ZNF407: variants seen among roughly 807,000 people sequenced by gnomAD.
The protein encoded by ZNF407 is zinc finger protein 407.
Under a neutral mutation model 131.2 loss-of-function variants are expected in ZNF407, and 17 were observed. That is an observed-to-expected ratio of 0.13 (90% confidence interval 0.09 to 0.19). The LOEUF is 0.19. ZNF407 is among the 10% of genes least tolerant of loss of function. ZNF407 has a pLI of 1.00. For synonymous variants in ZNF407, 1,156 were observed against 1,062.0 expected (o/e 1.09, Z -1.72); for missense variants, 2,681 against 2,830.6 (o/e 0.95, Z 1.20).
At chr18:74,939,217 T>C (rs1972071332) in intron 8 of ZNF407, among the ~76,000 whole-genome samples, 1 of 152,236 alleles carries the variant, frequency 6.6e-6, no homozygotes, top group Admixed American at 6.5e-5. Flanking sequence ...TCCACTTTAC[T>C]CTTACTTTGT....
At chr18:74,601,139 G>T (rs1230488860) in intron 1 of ZNF407, among the ~76,000 whole-genome samples, 1 of 152,132 alleles carries the variant, frequency 6.6e-6, no homozygotes, top group African/African-American at 2.4e-5. Flanking sequence ...TGACTGGGTG[G>T]AGCCTGGTGT....
chr18:74,822,507 T>TTAA (rs1970354810), intron 4 of ZNF407, among the ~76,000 whole-genome samples: 1 of 152,220 alleles, frequency 6.6e-6, no homozygotes, highest in Non-Finnish European at 1.5e-5. Flanking sequence ...CCAAACACCA[T>TTAA]TTATTAAATA....
At chr18:74,751,601 C>A (rs1017197736) in intron 3 of ZNF407, among the ~76,000 whole-genome samples, 5 of 151,994 alleles carry the variant, frequency 3.3e-5, no homozygotes, top group Non-Finnish European at 7.4e-5. Flanking sequence ...CAATTCCCAC[C>A]TATGAGTGAG....
chr18:74,882,078 C>G (rs529036090), intron 6 of ZNF407, among the ~76,000 whole-genome samples: 2 of 152,188 alleles, frequency 1.3e-5, no homozygotes, highest in Non-Finnish European at 2.9e-5. Context: ...CCCACCAGGT[C>G]TCTCCCACAA....
At chr18:74,804,033 C>T (rs1460038966) in intron 4 of ZNF407, 18 of 1,551,576 alleles carry the variant, frequency 1.2e-5, no homozygotes, top group Non-Finnish European at 1.5e-5. Context: ...CGTCGAGTGC[C>T]TCTGAAGCCC....
intron 8 of ZNF407, among the ~76,000 whole-genome samples, chr18:74,926,998 G>A (rs1386663168): frequency 2.0e-5 from 3 of 152,098 alleles, no homozygotes; most frequent in Non-Finnish European, 2.9e-5. Flanking sequence ...GACCCAAATG[G>A]TTGTTATGTA....
In ZNF407 at chr18:74,782,622, G is replaced by A. The variant is rs146906085; in HGVS notation, c.4877+1120G>A. ...TCTCCCCGTTCTCCCCTTTCTCCCC[G>A]TTCTCCCCTTCATTTGAGATGGAGT... On this transcript the variant is annotated intron_variant, in intron 4 of 8. Transcript: ENST00000299687. Among the ~76,000 whole-genome samples, 723 of 148,474 alleles carry A rather than the reference G, an allele frequency of 4.9e-3. 2 individuals are homozygous for A. Among genetic ancestry groups the A allele is most frequent in the Admixed American group, 8.3e-3 (123 of 14,828 alleles).
At position 74,926,884 on chromosome 18, in the gene ZNF407, G is replaced by A. The variant is rs117846489; in HGVS notation, c.5428+6192G>A. On this transcript the variant is annotated intron_variant, in intron 8 of 8. Transcript: ENST00000299687. ...ACTATATGCCAGTATTCTTCAGTAC[G>A]CATATCTTCCTTTATCTGCCTAACA... is the stretch of plus-strand genomic sequence containing the variant. Among the ~76,000 whole-genome samples the A allele has an allele frequency of 1.2e-3, 188 of 152,170 alleles. 3 individuals are homozygous for A. The East Asian group carries it at 0.031, about 25-fold the overall frequency.
intron 4 of ZNF407, among the ~76,000 whole-genome samples, chr18:74,875,796 GATAA>G (rs1414384408): frequency 2.0e-5 from 3 of 152,088 alleles, no homozygotes; most frequent in Non-Finnish European, 4.4e-5. Context: ...TACATATATA[GATAA>G]ATAAATTGGC....
chr18:74,902,119 CT>C (rs1971533726), intron 7 of ZNF407, among the ~76,000 whole-genome samples: 1 of 152,182 alleles, frequency 6.6e-6, no homozygotes, highest in Non-Finnish European at 1.5e-5. Flanking sequence ...CCTGGAACAT[CT>C]GCCTGAAGAC....
intron 3 of ZNF407, among the ~76,000 whole-genome samples, chr18:74,728,621 GGA>G (rs2144888903): frequency 6.6e-6 from 1 of 152,306 alleles, no homozygotes; most frequent in East Asian, 1.9e-4. Context: ...CTCCACCGAG[GGA>G]GAGATGTACA....
In ZNF407 at chr18:74,759,805, C is replaced by CT. The variant is rs960284561; in HGVS notation, c.4803-21611dup. On this transcript the variant is annotated intron_variant, in intron 3 of 8. Transcript: ENST00000299687. ...TCCTGTAGTTCTTACTTATATTTTC[C>CT]TTTTTTTTTTTTGAACATTTTTATG... 5.8e-3 allele frequency among the ~76,000 whole-genome samples: 800 copies of CT among 138,136 alleles called. 7 individuals are homozygous for CT. The highest frequency in any genetic ancestry group is 0.015 in the Middle Eastern group (4 of 272). The allele number at this position is 138,136 out of a possible 152,430, so 90.6% of individuals were successfully genotyped here.
intron 8 of ZNF407, among the ~76,000 whole-genome samples, chr18:75,000,746 T>G (rs539773951): frequency 1.5e-4 from 23 of 152,226 alleles, no homozygotes; most frequent in Non-Finnish European, 2.5e-4. Context: ...CACTATTAAG[T>G]TGTAATTAAT....
chr18:74,682,128 A>C (rs554856004), intron 3 of ZNF407, among the ~76,000 whole-genome samples: 1 of 152,360 alleles, frequency 6.6e-6, no homozygotes, highest in Admixed American at 6.5e-5. Context: ...TGGCAACATT[A>C]ATGTTTTCTG....
chr18:74,759,761 T>C (rs1969049901), intron 3 of ZNF407, among the ~76,000 whole-genome samples: 1 of 151,750 alleles, frequency 6.6e-6, no homozygotes, highest in Non-Finnish European at 1.5e-5. Context: ...AATTCTCTTA[T>C]TTTCCTGTAT....
intron 4 of ZNF407, among the ~76,000 whole-genome samples, chr18:74,806,174 G>A (rs573994958): frequency 7.3e-4 from 111 of 152,330 alleles, no homozygotes; most frequent in African/African-American, 2.5e-3. Flanking sequence ...GCTGGATGGC[G>A]CAGGGCCTGC....
intron 3 of ZNF407, among the ~76,000 whole-genome samples, chr18:74,716,785 T>G (rs1037710450): frequency 2.6e-5 from 4 of 152,240 alleles, no homozygotes; most frequent in African/African-American, 7.2e-5. Context: ...AATGTTTGTT[T>G]GTAGTTCAGC....
chr18:74,782,954 T>TA (rs1969635500), intron 4 of ZNF407, among the ~76,000 whole-genome samples: 1 of 152,176 alleles, frequency 6.6e-6, no homozygotes, highest in South Asian at 2.1e-4. Context: ...GCAGCAAAAA[T>TA]ACATGCATTG....
intron 5 of ZNF407, 130 bp downstream of exon 5, chr18:74,877,493 G>T: frequency 1.1e-6 from 1 of 900,316 alleles, no homozygotes; most frequent in Non-Finnish European, 1.7e-6. Context: ...TAAGATTGTG[G>T]TAATTATGTA....
Sources: gnomAD v4.1 joint callset for allele counts (sites outside exome capture counted in the v4.1 genomes callset) on GRCh38, gnomAD v4.1.1 for gene constraint, MANE v1.5 for transcripts, NCBI Gene and HGNC (gene_info 2026-07-23, HGNC 2026-07-21) for gene names.